MAP2K1: variants seen among roughly 807,000 people sequenced by gnomAD.
MAP2K1 encodes the protein mitogen-activated protein kinase kinase 1, also known as dual specificity mitogen-activated protein kinase kinase 1.
Under a neutral mutation model 46.3 loss-of-function variants are expected in MAP2K1, and 16 were observed. The ratio of observed to expected loss-of-function variants is 0.35; its 90% CI spans 0.23 to 0.52. The LOEUF (loss-of-function observed/expected upper bound fraction) is 0.52. Ranked by LOEUF, MAP2K1 falls within the 20% of genes least tolerant of loss-of-function variation. MAP2K1 has a pLI of 0.94. For missense variants in MAP2K1, 263 were observed against 497.1 expected, an observed-to-expected ratio of 0.53 and a Z score of 4.48; for synonymous variants, 183 against 185.6, an observed-to-expected ratio of 0.99 and a Z score of 0.11.
chr15:66,435,960 C>T (rs972895892), intron 2 of MAP2K1, among the ~76,000 whole-genome samples: 5 of 152,200 alleles, frequency 3.3e-5, no homozygotes, highest in African/African-American at 1.2e-4. Flanking sequence ...TAGAGCTGGA[C>T]TTCCCTTTCC....
chr15:66,487,105 G>A, intron 7 of MAP2K1, 123 bp from the exon 8 acceptor site: 2 of 781,652 alleles, frequency 2.6e-6, no homozygotes, highest in South Asian at 2.9e-5. Flanking sequence ...CTTATCTGTG[G>A]CTGTTTAATG....
At chr15:66,397,465 C>T (rs2093370948) in intron 1 of MAP2K1, among the ~76,000 whole-genome samples, 1 of 152,024 alleles carries the variant, frequency 6.6e-6, no homozygotes, top group South Asian at 2.1e-4. Flanking sequence ...TATGGGGAGG[C>T]AAGAGTGGGA....
At chr15:66,452,511 G>A (rs1892060075) in intron 5 of MAP2K1, among the ~76,000 whole-genome samples, 2 of 152,084 alleles carry the variant, frequency 1.3e-5, no homozygotes, top group Non-Finnish European at 1.5e-5. Context: ...TTAGTTTCTA[G>A]GAAATAGGAG....
chr15:66,425,565 G>C (rs964041519), intron 1 of MAP2K1, among the ~76,000 whole-genome samples: 4 of 152,178 alleles, frequency 2.6e-5, no homozygotes, highest in African/African-American at 9.7e-5. Flanking sequence ...AGCTGCTTCT[G>C]GGCCAGGACA....
chr15:66,400,501 A>G (rs10851757), intron 1 of MAP2K1, among the ~76,000 whole-genome samples: 150,295 of 152,296 alleles, frequency 0.99, 74,187 homozygotes, highest in East Asian at 1. Flanking sequence ...AACCTGAGAA[A>G]AAAGCTTAGG....
chr15:66,484,501 G>T (rs12912136), intron 6 of MAP2K1, among the ~76,000 whole-genome samples: 1 of 152,152 alleles, frequency 6.6e-6, no homozygotes, highest in Admixed American at 6.5e-5. Context: ...CTTTTAGCTT[G>T]TAAGTCCCGG....
At chr15:66,483,903 A>G (rs1310089446) in intron 6 of MAP2K1, among the ~76,000 whole-genome samples, 1 of 151,528 alleles carries the variant, frequency 6.6e-6, no homozygotes, top group Admixed American at 6.6e-5. Flanking sequence ...GTGTGCCACC[A>G]CGCCCGGCTA....
In MAP2K1 at chr15:66,491,195, A is replaced by G. The variant is rs1327909973; in HGVS notation, c.*580A>G. Reference sequence around the variant, plus strand: ...AATCTAGCCAGAGCCCTTCACTGCCATGATAGCTGGGGCTTCACCAGTCTG... The same window carrying G: ...AATCTAGCCAGAGCCCTTCACTGCCGTGATAGCTGGGGCTTCACCAGTCTG... On this transcript the variant is annotated 3_prime_UTR_variant, in exon 11 of 11. Coordinates refer to ENST00000307102, the MANE Select transcript of MAP2K1 (RefSeq NM_002755.4). 3.8e-6 allele frequency: 1 copy of G among 262,062 alleles called. No individual in the cohort carries two copies. Among genetic ancestry groups the G allele is most frequent in the Non-Finnish European group, 7.4e-6 (1 of 135,016 alleles). The allele number at this position is 262,062 out of a possible 1,614,324, so 16.2% of individuals were successfully genotyped here. A position where few individuals can be genotyped will look rare whatever the true frequency, so the allele number is the denominator to read the frequency against.
At chr15:66,389,544 G>A (rs1246251722) in intron 1 of MAP2K1, among the ~76,000 whole-genome samples, 1 of 150,962 alleles carries the variant, frequency 6.6e-6, no homozygotes, top group African/African-American at 2.4e-5. Flanking sequence ...CTGGAGTCAG[G>A]CTAAGTTTGA....
At position 66,465,639 on chromosome 15, in the gene MAP2K1, C is replaced by G. The variant is rs1713246719; in HGVS notation, c.569-16116C>G. Reference sequence around the variant, plus strand: ...ATAAGACAATATGAGGTGGTCTCTTCCCTCACCACCACACTCCAGCCTGGG... The same window carrying G: ...ATAAGACAATATGAGGTGGTCTCTTGCCTCACCACCACACTCCAGCCTGGG... On this transcript the variant is annotated intron_variant, in intron 5 of 10. Coordinates refer to ENST00000307102, the MANE Select transcript of MAP2K1 (RefSeq NM_002755.4). Among the ~76,000 whole-genome samples, 3 of 152,056 alleles carry G rather than the reference C, an allele frequency of 2.0e-5. No individual in the cohort carries two copies. In the South Asian group the frequency reaches 6.2e-4, roughly 32 times the overall value.
chr15:66,405,420 G>A (rs1001880220), intron 1 of MAP2K1, among the ~76,000 whole-genome samples: 2 of 152,216 alleles, frequency 1.3e-5, no homozygotes. Context: ...GACCAGCACG[G>A]ATTAGAATGC....
chr15:66,395,505 C>T (rs897566801), intron 1 of MAP2K1, among the ~76,000 whole-genome samples: 1 of 151,724 alleles, frequency 6.6e-6, no homozygotes, highest in African/African-American at 2.4e-5. Flanking sequence ...TACCTTCTTA[C>T]ATCTGTCTGG....
chr15:66,443,491 A>G, intron 4 of MAP2K1, 134 bp downstream of exon 4: 1 of 684,588 alleles, frequency 1.5e-6, no homozygotes, highest in Non-Finnish European at 2.7e-6. Flanking sequence ...TTCTCACTAG[A>G]CTCTTCCCTG....
At chr15:66,458,781 T>G (rs1210975683) in intron 5 of MAP2K1, among the ~76,000 whole-genome samples, 1 of 152,202 alleles carries the variant, frequency 6.6e-6, no homozygotes, top group Non-Finnish European at 1.5e-5. Context: ...TGGGTCTCCC[T>G]AAGTGTGGGA....
chr15:66,465,506 C>T (rs1207624137), intron 5 of MAP2K1, among the ~76,000 whole-genome samples: 1 of 152,162 alleles, frequency 6.6e-6, no homozygotes, highest in Non-Finnish European at 1.5e-5. Context: ...GGTCAGGGGT[C>T]AGTCTTTAAC....
chr15:66,454,186 A>G (rs1892106794), intron 5 of MAP2K1, among the ~76,000 whole-genome samples: 1 of 152,178 alleles, frequency 6.6e-6, no homozygotes, highest in African/African-American at 2.4e-5. Context: ...AAGTTTGTTC[A>G]TGTCCATTTG....
intron 1 of MAP2K1, among the ~76,000 whole-genome samples, chr15:66,422,886 A>G (rs1035349666): frequency 1.3e-5 from 2 of 152,156 alleles, no homozygotes; most frequent in African/African-American, 4.8e-5. Context: ...CTTGTCCTAC[A>G]ACTCTTGGAT....
intron 1 of MAP2K1, among the ~76,000 whole-genome samples, chr15:66,427,619 G>A (rs1410658554): frequency 6.6e-6 from 1 of 152,094 alleles, no homozygotes; most frequent in Non-Finnish European, 1.5e-5. Flanking sequence ...CTGTGAGCTA[G>A]ATGAGTGTGG....
chr15:66,470,082 C>CT (rs1395500248), intron 5 of MAP2K1, among the ~76,000 whole-genome samples: 2 of 116,032 alleles, frequency 1.7e-5, no homozygotes, highest in African/African-American at 6.2e-5. Flanking sequence ...CACCATGCCA[C>CT]TTTTTTTTCT....
Sources: gnomAD v4.1 joint callset for allele counts (sites outside exome capture counted in the v4.1 genomes callset) on GRCh38, gnomAD v4.1.1 for gene constraint, MANE v1.5 for transcripts, NCBI Gene and HGNC (gene_info 2026-07-23, HGNC 2026-07-21) for gene names.